RBFOX2: variants seen among roughly 807,000 people sequenced by gnomAD.
The protein encoded by RBFOX2 is RNA binding fox-1 homolog 2.
In RBFOX2, 10 loss-of-function variants were observed where a neutral mutation model predicts 49.1. That is an observed-to-expected ratio of 0.20 (90% CI 0.13 to 0.35). The LOEUF (loss-of-function observed/expected upper bound fraction) is 0.35, where lower values mean the gene tolerates loss of function less well. Ranked by LOEUF, RBFOX2 falls within the 10% of genes least tolerant of loss-of-function variation. The pLI is 1.00. For synonymous variants in RBFOX2, 183 were observed against 187.4 expected, an observed-to-expected ratio of 0.98 and a Z score of 0.19; for missense variants, 323 against 486.9, an observed-to-expected ratio of 0.66 and a Z score of 3.17.
upstream of RBFOX2, among the ~76,000 whole-genome samples, chr22:35,941,767 T>C (rs2053710061): frequency 6.6e-6 from 1 of 152,148 alleles, no homozygotes; most frequent in Admixed American, 6.5e-5. Context: ...TATAAGCCAG[T>C]ATTGTCAAAA....
upstream of RBFOX2, among the ~76,000 whole-genome samples, chr22:35,842,705 G>A (rs6000012): frequency 1.3e-4 from 20 of 150,700 alleles, no homozygotes; most frequent in African/African-American, 4.6e-4. Context: ...AATGTCCCCC[G>A]CCCCCATCCT....
At chr22:35,826,386 T>A (rs1343221523) in intron 1 of RBFOX2, among the ~76,000 whole-genome samples, 1 of 151,358 alleles carries the variant, frequency 6.6e-6, no homozygotes, top group Admixed American at 6.6e-5. Flanking sequence ...TTACCACTAT[T>A]ATTGTGAAAG....
intron 1 of RBFOX2, among the ~76,000 whole-genome samples, chr22:35,814,363 C>T (rs1194424497): frequency 6.6e-6 from 1 of 151,978 alleles, no homozygotes; most frequent in African/African-American, 2.4e-5. Flanking sequence ...ACTTATAATA[C>T]CTAGTACAAT....
At chr22:35,918,766 T>G (rs1464571925) in intron 1 of RBFOX2, among the ~76,000 whole-genome samples, 1 of 152,062 alleles carries the variant, frequency 6.6e-6, no homozygotes, top group African/African-American at 2.4e-5. Flanking sequence ...CGTGTTCGGG[T>G]CAAAAGAGCT....
Position 35,862,732 on chromosome 22 carries a change from A to G in RBFOX2, c.-33-52728T>C, listed in dbSNP as rs142494998. On this transcript the variant is annotated intron_variant, in intron 1 of 13. Coordinates refer to the RBFOX2 transcript ENST00000359369. Reference sequence around the variant, plus strand: ...GCTACTTGATTCGAATCTTAGCTCCATAACTTCTTAGCTGTGTAATTTGAG... The same window carrying G: ...GCTACTTGATTCGAATCTTAGCTCCGTAACTTCTTAGCTGTGTAATTTGAG... 6.2e-4 allele frequency among the ~76,000 whole-genome samples: 95 copies of G among 152,316 alleles called. 3 individuals are homozygous for G. The East Asian group carries it at 0.017, about 28-fold the overall frequency.
At chr22:35,976,433 T>A (rs2057157999) in intron 1 of RBFOX2, among the ~76,000 whole-genome samples, 2 of 151,834 alleles carry the variant, frequency 1.3e-5, no homozygotes, top group African/African-American at 4.8e-5. Context: ...TCCTCCAAGA[T>A]CTCCACCTCC....
At chr22:35,783,732 TC>T (rs1396216619) in intron 2 of RBFOX2, among the ~76,000 whole-genome samples, 2 of 152,130 alleles carry the variant, frequency 1.3e-5, no homozygotes, top group African/African-American at 4.8e-5. Context: ...ACACCACGTG[TC>T]CTGCATGGAA....
At chr22:35,911,817 C>T (rs2049869815) in intron 1 of RBFOX2, among the ~76,000 whole-genome samples, 1 of 152,140 alleles carries the variant, frequency 6.6e-6, no homozygotes, top group Admixed American at 6.6e-5. Flanking sequence ...CATATCCCAT[C>T]TCACCCCAGC....
intron 1 of RBFOX2, among the ~76,000 whole-genome samples, chr22:35,895,531 T>C (rs1454082112): frequency 2.6e-5 from 4 of 152,168 alleles, no homozygotes; most frequent in Non-Finnish European, 5.9e-5. Context: ...TCTTGCAAGA[T>C]TTCAAAACAC....
intron 1 of RBFOX2, among the ~76,000 whole-genome samples, chr22:35,829,447 T>G (rs1956389741): frequency 6.6e-6 from 1 of 151,974 alleles, no homozygotes; most frequent in Non-Finnish European, 1.5e-5. Context: ...ACGAAAGCTA[T>G]AATCTGAGAT....
At chr22:35,850,032 G>A (rs943933091) in intron 1 of RBFOX2, among the ~76,000 whole-genome samples, 5 of 152,040 alleles carry the variant, frequency 3.3e-5, no homozygotes, top group African/African-American at 1.2e-4. Flanking sequence ...AGGTATCCAG[G>A]AGCCAAAATA....
At chr22:35,820,504 G>T (rs1002038412) in intron 1 of RBFOX2, among the ~76,000 whole-genome samples, 1 of 152,092 alleles carries the variant, frequency 6.6e-6, no homozygotes, top group Non-Finnish European at 1.5e-5. Context: ...CACTCAAAAA[G>T]GGGGAAAATC....
chr22:35,802,185 T>C (rs1452854621), intron 2 of RBFOX2, among the ~76,000 whole-genome samples: 1 of 152,058 alleles, frequency 6.6e-6, no homozygotes, highest in African/African-American at 2.4e-5. Flanking sequence ...ATCACTGTCA[T>C]TAGAAATATA....
upstream of RBFOX2, among the ~76,000 whole-genome samples, chr22:35,939,952 G>T (rs1299845208): frequency 2.6e-5 from 4 of 152,192 alleles, no homozygotes; most frequent in Non-Finnish European, 5.9e-5. Flanking sequence ...CATTGCTTTT[G>T]TAATTTTCAA....
At chr22:35,792,438 C>T (rs1947939486) in intron 2 of RBFOX2, among the ~76,000 whole-genome samples, 1 of 151,592 alleles carries the variant, frequency 6.6e-6, no homozygotes, top group Admixed American at 6.6e-5. Flanking sequence ...TCAAAATTTG[C>T]ACAAAAGTGA....
upstream of RBFOX2, chr22:35,938,918 A>G: frequency 6.2e-7 from 1 of 1,602,552 alleles, no homozygotes; most frequent in African/African-American, 1.3e-5. Context: ...GACAAGAAAA[A>G]TATCAAACCA....
At chr22:35,794,829 G>T (rs998564979) in intron 2 of RBFOX2, among the ~76,000 whole-genome samples, 1 of 152,252 alleles carries the variant, frequency 6.6e-6, no homozygotes, top group East Asian at 1.9e-4. Context: ...AGAGCAGTAA[G>T]GGGCAGCGGA....
chr22:36,008,092 G>T (rs776572118), intron 1 of RBFOX2, among the ~76,000 whole-genome samples: 1 of 152,150 alleles, frequency 6.6e-6, no homozygotes, highest in Non-Finnish European at 1.5e-5. Context: ...AATAGACATT[G>T]ATAAATACTT....
intron 1 of RBFOX2, among the ~76,000 whole-genome samples, chr22:35,873,503 C>A (rs1375090878): frequency 6.6e-6 from 1 of 152,186 alleles, no homozygotes; most frequent in Non-Finnish European, 1.5e-5. Flanking sequence ...CCACTCATAG[C>A]GTAGTTCCTA....
Sources: allele counts gnomAD v4.1 joint callset (sites outside exome capture counted in the v4.1 genomes callset), GRCh38; gene constraint gnomAD v4.1.1; transcripts MANE v1.5; gene names NCBI Gene and HGNC (gene_info 2026-07-23, HGNC 2026-07-21).